The following USO1 variants were observed in gnomAD, a reference collection of about 807,000 sequenced individuals.
USO1 encodes the protein general vesicular transport factor p115.
A neutral mutation model predicts 124.5 loss-of-function variants in USO1; 57 were observed. The ratio of observed to expected loss-of-function variants is 0.46; its 90% confidence interval spans 0.37 to 0.57. The LOEUF (loss-of-function observed/expected upper bound fraction) is 0.57, where lower values mean the gene tolerates loss of function less well. USO1 is among the 20% of genes least tolerant of loss of function. The pLI is 0.00. For missense variants in USO1, 900 were observed against 1,040.6 expected, an observed-to-expected ratio of 0.86 and a Z score of 1.86; for synonymous variants, 369 against 362.8, an observed-to-expected ratio of 1.02 and a Z score of -0.19.
intron 1 of USO1, among the ~76,000 whole-genome samples, chr4:75,751,136 A>G (rs899450028): frequency 3.3e-5 from 5 of 151,760 alleles, no homozygotes; most frequent in Non-Finnish European, 5.9e-5. Context: ...ATTATTAATA[A>G]TGTTCCAAGA....
chr4:75,802,162 G>T (rs1469314618), intron 17 of USO1, among the ~76,000 whole-genome samples: 2 of 152,014 alleles, frequency 1.3e-5, no homozygotes, highest in Non-Finnish European at 2.9e-5. Context: ...AAATATTGTG[G>T]TATATTTAGC....
chr4:75,784,430 A>T (rs1453115085), intron 9 of USO1, among the ~76,000 whole-genome samples: 1 of 152,256 alleles, frequency 6.6e-6, no homozygotes, highest in Non-Finnish European at 1.5e-5. Context: ...CGTATCAAAC[A>T]GTGAAAATTT....
chr4:75,737,115 T>C (rs1279978920), intron 1 of USO1, among the ~76,000 whole-genome samples: 1 of 152,220 alleles, frequency 6.6e-6, no homozygotes, highest in African/African-American at 2.4e-5. Flanking sequence ...ACCAATTTAA[T>C]GTAGTGGGAA....
intron 1 of USO1, among the ~76,000 whole-genome samples, chr4:75,725,641 C>T (rs1393680253): frequency 2.0e-5 from 3 of 151,796 alleles, no homozygotes; most frequent in Non-Finnish European, 2.9e-5. Context: ...AATGGTTAGC[C>T]GCTGAAAACA....
Position 75,774,751 on chromosome 4 carries a change from G to C in USO1, c.631G>C (p.Glu211Gln), listed in dbSNP as rs773498476. The C allele has an allele frequency of 1.2e-6, 2 of 1,613,686 alleles. No homozygotes were observed. The highest frequency in any genetic ancestry group is 1.3e-5 in the African/African-American group (1 of 75,014). Residue 211 changes from glutamate to glutamine, a missense_variant, in exon 8 of 24, where the codon GAG becomes CAG. Coordinates refer to ENST00000514213, the MANE Select transcript of USO1 (RefSeq NM_003715.4). The part of the protein sequence containing the change: ...QKIVAFENAF[E>Q]RLLDIISEEG... ...AATTGTTGCTTTTGAAAATGCTTTCGAGAGACTACTGGACATTATTTCAGA... is the reference window on the plus strand; with the variant it reads ...AATTGTTGCTTTTGAAAATGCTTTCCAGAGACTACTGGACATTATTTCAGA...
intron 1 of USO1, among the ~76,000 whole-genome samples, chr4:75,728,358 C>T (rs556828139): frequency 3.3e-5 from 5 of 152,300 alleles, no homozygotes; most frequent in African/African-American, 9.6e-5. Context: ...GCCGGGGGCT[C>T]ACGCCTATAA....
Position 75,809,025 on chromosome 4 carries a change from G to C in USO1, c.2449G>C (p.Glu817Gln), listed in dbSNP as rs41282393. The change falls in exon 21 of 24, where the codon GAA (glutamate) becomes CAA (glutamine). Residue 817 changes from glutamate to glutamine, a missense_variant. By Grantham distance (29) the Glu-to-Gln change is conservative. Transcript: ENST00000514213. ...CACCAAACTACAGACAGAAAAGCAG[G>C]AACTGTTACAGAAAACAGAAGCGTT... Reference protein sequence around the residue: ...EITKLQTEKQELLQKTEAFAK... With the variant: ...EITKLQTEKQQLLQKTEAFAK... 1.1e-3 allele frequency: 1,771 copies of C among 1,601,984 alleles called. 10 individuals carry two copies. Among genetic ancestry groups the C allele is most frequent in the South Asian group, 1.8e-3 (159 of 87,930 alleles).
At chr4:75,749,397 TC>T (rs1721232159) in intron 1 of USO1, among the ~76,000 whole-genome samples, 161 of 151,830 alleles carry the variant, frequency 1.1e-3, no homozygotes, top group African/African-American at 3.7e-3. Flanking sequence ...ACTTATACTT[TC>T]TTTTTGTTTT....
chr4:75,770,725 T>C (rs1239266327), intron 5 of USO1, 97 bp from the exon 6 acceptor site: 2 of 1,537,072 alleles, frequency 1.3e-6, no homozygotes, highest in African/African-American at 1.4e-5. Flanking sequence ...CTTCCATGTT[T>C]TACTTGTAGT....
chr4:75,728,893 G>A (rs554024430), intron 1 of USO1, among the ~76,000 whole-genome samples: 3 of 152,014 alleles, frequency 2.0e-5, no homozygotes, highest in South Asian at 2.1e-4. Context: ...CCCCCTCCCG[G>A]GTTCACGCCA....
intron 1 of USO1, among the ~76,000 whole-genome samples, chr4:75,730,736 T>C (rs1485978811): frequency 2.0e-5 from 3 of 152,288 alleles, no homozygotes; most frequent in Non-Finnish European, 1.5e-5. Context: ...AGTAAAGTTA[T>C]GCTTATTATT....
chr4:75,806,336 G>A (rs1325760230), intron 19 of USO1, 150 bp from the exon 20 acceptor site: 16 of 1,007,822 alleles, frequency 1.6e-5, no homozygotes, highest in African/African-American at 1.3e-4. Context: ...GTGCTGTGTT[G>A]GAATTTTATC....
At chr4:75,800,275 A>G in intron 14 of USO1, 76 bp from the exon 15 acceptor site, 1 of 1,476,070 alleles carries the variant, frequency 6.8e-7, no homozygotes, top group Non-Finnish European at 9.1e-7. Context: ...TATGTGAAGT[A>G]TTAATGTATG....
intron 17 of USO1, among the ~76,000 whole-genome samples, chr4:75,803,043 C>A (rs1722896483): frequency 7.3e-6 from 1 of 137,814 alleles, no homozygotes; most frequent in African/African-American, 2.7e-5. Context: ...GCCGAGATCG[C>A]ACCATTGCAC....
At chr4:75,744,501 C>T (rs1380156196) in intron 1 of USO1, among the ~76,000 whole-genome samples, 1 of 152,180 alleles carries the variant, frequency 6.6e-6, no homozygotes, top group African/African-American at 2.4e-5. Flanking sequence ...CTCACTGCAA[C>T]CTCCGCCTCT....
At chr4:75,807,672 T>C (rs1326872274) in intron 20 of USO1, among the ~76,000 whole-genome samples, 2 of 151,378 alleles carry the variant, frequency 1.3e-5, no homozygotes, top group African/African-American at 2.4e-5. Flanking sequence ...TATGCTCTTT[T>C]GGTTTTATTA....
Position 75,724,746 on chromosome 4 carries a change from C to T in USO1, c.-74C>T, listed in dbSNP as rs1720339314. 9 of 1,519,514 alleles carry T rather than the reference C, an allele frequency of 5.9e-6. No individual in the cohort carries two copies. Among genetic ancestry groups the T allele is most frequent in the South Asian group, 1.2e-5 (1 of 85,760 alleles). The allele number at this position is 1,519,514 out of a possible 1,614,324, so 94.1% of individuals were successfully genotyped here. A position where few individuals can be genotyped will look rare whatever the true frequency, so the allele number is the denominator to read the frequency against. On this transcript the variant is annotated 5_prime_UTR_variant, in exon 1 of 24. Transcript: ENST00000514213. ...GTAGAGTGCGGGATTGGGGCCCAGG[C>T]CCTGCGGAGGGCGGGGGAAGTTGTC... is the stretch of plus-strand genomic sequence containing the variant.
intron 10 of USO1, among the ~76,000 whole-genome samples, chr4:75,789,090 T>C (rs1722455091): frequency 6.6e-6 from 1 of 152,056 alleles, no homozygotes; most frequent in Non-Finnish European, 1.5e-5. Flanking sequence ...CTCTAGAAAC[T>C]TTTGAGATCT....
intron 1 of USO1, among the ~76,000 whole-genome samples, chr4:75,739,927 G>A (rs969465871): frequency 6.6e-6 from 1 of 152,130 alleles, no homozygotes; most frequent in Non-Finnish European, 1.5e-5. Flanking sequence ...GCACAAGAAG[G>A]CTGTGATGTT....
Sources: gnomAD v4.1 joint callset for allele counts (sites outside exome capture counted in the v4.1 genomes callset) on GRCh38, gnomAD v4.1.1 for gene constraint, MANE v1.5 for transcripts, NCBI Gene and HGNC (gene_info 2026-07-23, HGNC 2026-07-21) for gene names.